Variants in PRR5L observed in about 807,000 individuals in gnomAD.
PRR5L encodes proline rich 5 like.
A neutral mutation model predicts 36.4 loss-of-function variants in PRR5L; 21 were observed. The ratio of observed to expected loss-of-function variants is 0.58; its 90% confidence interval spans 0.41 to 0.83. The LOEUF is 0.83. Among genes scored for constraint, PRR5L ranks in the 40% least tolerant of loss-of-function variants. PRR5L has a pLI of 0.00. For synonymous variants in PRR5L, 188 were observed against 197.0 expected (o/e 0.95, Z 0.38); for missense variants, 381 against 473.3 (o/e 0.80, Z 1.81).
intron 1 of PRR5L, among the ~76,000 whole-genome samples, chr11:36,301,412 C>T (rs1303648374): frequency 6.6e-6 from 1 of 152,078 alleles, no homozygotes; most frequent in African/African-American, 2.4e-5. Flanking sequence ...AGGGCAGAAC[C>T]GAAGCCCTGG....
intron 2 of PRR5L, 51 bp downstream of exon 2, chr11:36,401,336 G>A: frequency 6.4e-7 from 1 of 1,563,790 alleles, no homozygotes; most frequent in Non-Finnish European, 8.7e-7. Flanking sequence ...GGCCATGGCA[G>A]GGAGGGAGGC....
chr11:36,351,745 TAA>T (rs1491388564), intron 1 of PRR5L, among the ~76,000 whole-genome samples: 35 of 86,454 alleles, frequency 4.0e-4, no homozygotes, highest in African/African-American at 1.7e-3. Context: ...TATTTATATA[TAA>T]TTTATATATA....
Position 36,417,401 on chromosome 11 carries a change from G to A in PRR5L, c.246-1854G>A, listed in dbSNP as rs182527341. Among the ~76,000 whole-genome samples the A allele has an allele frequency of 1.7e-4, 26 of 152,268 alleles. 1 individual carries two copies. The highest frequency in any genetic ancestry group is 6.3e-4 in the African/African-American group (26 of 41,542). Reference sequence around the variant, plus strand: ...CCCCATAGGTTGCTGTTTCCTGTCTGAGAGACATGTCTAGCCTCTGCCTCA... The same window carrying A: ...CCCCATAGGTTGCTGTTTCCTGTCTAAGAGACATGTCTAGCCTCTGCCTCA... On this transcript the variant is annotated intron_variant, in intron 3 of 8. Transcript: ENST00000530639.
Position 36,441,610 on chromosome 11 carries a change from G to A in PRR5L, c.444+4134G>A, listed in dbSNP as rs984902335. 2.0e-5 allele frequency among the ~76,000 whole-genome samples: 3 copies of A among 152,194 alleles called. No homozygotes were observed. The East Asian group carries it at 5.8e-4, about 29-fold the overall frequency. On this transcript the variant is annotated intron_variant, in intron 6 of 8. Coordinates refer to ENST00000530639, the MANE Select transcript of PRR5L (RefSeq NM_001160167.2). ...AAGCCGGTGGCTCTACCCTTCTTGG[G>A]TCTAGAGGGCAAGAACCCCCTTCCC... is the stretch of plus-strand genomic sequence containing the variant.
chr11:36,431,780 G>A (rs1858500989), intron 4 of PRR5L, 73 bp from the exon 5 acceptor site: 2 of 1,385,860 alleles, frequency 1.4e-6, no homozygotes, highest in South Asian at 2.3e-5. Flanking sequence ...TTGCCCACTG[G>A]AAGTGGAAGA....
chr11:36,397,687 C>T (rs1416626884), intron 1 of PRR5L, among the ~76,000 whole-genome samples: 2 of 152,044 alleles, frequency 1.3e-5, no homozygotes, highest in East Asian at 3.9e-4. Flanking sequence ...GAACTCCTGA[C>T]CTCAGGTGAT....
At position 36,423,272 on chromosome 11, in the gene PRR5L, C is replaced by A. The variant is rs74956205; in HGVS notation, c.294+3969C>A. 5.0e-3 allele frequency among the ~76,000 whole-genome samples: 759 copies of A among 152,166 alleles called. 14 individuals are homozygous for A. The highest frequency in any genetic ancestry group is 0.043 in the East Asian group (222 of 5,166). On this transcript the variant is annotated intron_variant, in intron 4 of 8. Transcript: ENST00000530639. ...ATGTGTACGTGTGTGTGCATGTATG[C>A]ATATATATGTATTTTTCCATTTGCT...
At chr11:36,351,613 ATATATT>A (rs1856965686) in intron 1 of PRR5L, among the ~76,000 whole-genome samples, 1 of 6,786 alleles carries the variant, frequency 1.5e-4, no homozygotes, top group Non-Finnish European at 2.5e-4. Flanking sequence ...ATATATATTT[ATATATT>A]TATATATTTA....
At chr11:36,389,687 A>G (rs1160758738) in intron 1 of PRR5L, among the ~76,000 whole-genome samples, 2 of 145,366 alleles carry the variant, frequency 1.4e-5, no homozygotes, top group Non-Finnish European at 3.0e-5. Flanking sequence ...ACCTCGGCTC[A>G]CTGCAACCTC....
At chr11:36,401,349 C>G in intron 2 of PRR5L, 64 bp downstream of exon 2, 1 of 1,504,462 alleles carries the variant, frequency 6.6e-7, no homozygotes, top group East Asian at 2.3e-5. Context: ...AGGGAGGCAT[C>G]CGGGGGCTGA....
chr11:36,446,533 C>T (rs1277648014), intron 7 of PRR5L, 93 bp downstream of exon 7: 2 of 1,483,086 alleles, frequency 1.3e-6, no homozygotes, highest in Non-Finnish European at 1.8e-6. Flanking sequence ...ACCTAGTGAC[C>T]AGAGCACCTT....
intron 3 of PRR5L, among the ~76,000 whole-genome samples, chr11:36,408,951 C>A (rs1280943644): frequency 6.6e-6 from 1 of 152,086 alleles, no homozygotes; most frequent in African/African-American, 2.4e-5. Context: ...ATGTGGAGTG[C>A]TCTGCCCAGT....
chr11:36,322,531 A>C (rs982586561), intron 1 of PRR5L, among the ~76,000 whole-genome samples: 2 of 152,156 alleles, frequency 1.3e-5, no homozygotes, highest in African/African-American at 4.8e-5. Context: ...TCTCTAGTCC[A>C]TGTTATTTTT....
intron 8 of PRR5L, among the ~76,000 whole-genome samples, chr11:36,459,248 C>T (rs990660672): frequency 3.9e-5 from 6 of 152,204 alleles, no homozygotes. Flanking sequence ...TCAAGAGGAG[C>T]ATGAGTTGGG....
At chr11:36,461,097 G>A (rs759782704) in intron 8 of PRR5L, among the ~76,000 whole-genome samples, 23 of 152,160 alleles carry the variant, frequency 1.5e-4, no homozygotes, top group Non-Finnish European at 2.8e-4. Context: ...GCCTTGGATG[G>A]GCAGCTAGAA....
rs79010226 is a variant in PRR5L at position 36,312,455 on chromosome 11, C to T, written c.-126+16017C>T. 8.4e-3 allele frequency among the ~76,000 whole-genome samples: 1,281 copies of T among 152,292 alleles called. 14 individuals are homozygous for T. The highest frequency in any genetic ancestry group is 0.02 in the Middle Eastern group (6 of 294). Reference sequence around the variant, plus strand: ...TTTCACTCAGCAGGTGTGCTTTACACCAAGTAGGTGCTTGGAAGTATGCCT... The same window carrying T: ...TTTCACTCAGCAGGTGTGCTTTACATCAAGTAGGTGCTTGGAAGTATGCCT... On this transcript the variant is annotated intron_variant, in intron 1 of 8. Coordinates refer to ENST00000530639, the MANE Select transcript of PRR5L (RefSeq NM_001160167.2).
At chr11:36,320,996 A>G (rs778413493) in intron 1 of PRR5L, among the ~76,000 whole-genome samples, 48 of 152,184 alleles carry the variant, frequency 3.2e-4, no homozygotes, top group Admixed American at 6.5e-4. Context: ...CCTATTTTTT[A>G]CAGTTCTTAT....
intron 6 of PRR5L, among the ~76,000 whole-genome samples, chr11:36,441,251 G>A (rs961211942): frequency 5.9e-5 from 9 of 152,118 alleles, no homozygotes; most frequent in African/African-American, 1.7e-4. Flanking sequence ...TTGCACCTAC[G>A]AGCTTGTAAA....
At chr11:36,373,938 A>G (rs1012244667) in intron 1 of PRR5L, among the ~76,000 whole-genome samples, 8 of 152,244 alleles carry the variant, frequency 5.3e-5, no homozygotes, top group African/African-American at 1.7e-4. Context: ...AACTTGGGCA[A>G]TATCAGTGAA....
Sources: gnomAD v4.1 joint callset for allele counts (sites outside exome capture counted in the v4.1 genomes callset) on GRCh38, gnomAD v4.1.1 for gene constraint, MANE v1.5 for transcripts, NCBI Gene and HGNC (gene_info 2026-07-23, HGNC 2026-07-21) for gene names.